The following GMCL1 variants were observed in gnomAD, a reference collection of about 807,000 sequenced individuals.
GMCL1 encodes the protein germ cell-less 1, spermatogenesis associated, also known as germ cell-less protein-like 1.
Under a neutral mutation model 75.5 loss-of-function variants are expected in GMCL1, and 54 were observed. The ratio of observed to expected loss-of-function variants is 0.71; its 90% CI spans 0.57 to 0.90. GMCL1 has a LOEUF of 0.90. Among genes scored for constraint, GMCL1 ranks in the 40% least tolerant of loss-of-function variants. The probability of loss-of-function intolerance (pLI) is 0.00; values close to 1 mark genes in which losing one functional copy is unlikely to be tolerated. For missense variants in GMCL1, 537 were observed against 622.7 expected, an observed-to-expected ratio of 0.86 and a Z score of 1.47; for synonymous variants, 210 against 209.6, an observed-to-expected ratio of 1.00 and a Z score of -0.02.
intron 9 of GMCL1, among the ~76,000 whole-genome samples, chr2:69,859,559 G>A (rs930964689): frequency 2.0e-5 from 3 of 151,502 alleles, no homozygotes; most frequent in African/African-American, 7.3e-5. Flanking sequence ...CGAAGCAGGA[G>A]ACCCCTTCTC....
At chr2:69,866,827 C>T (rs1398234415) in intron 11 of GMCL1, among the ~76,000 whole-genome samples, 1 of 152,172 alleles carries the variant, frequency 6.6e-6, no homozygotes, top group Non-Finnish European at 1.5e-5. Flanking sequence ...CTTTAGTTCT[C>T]ATTCTTCCTT....
chr2:69,856,305 A>C (rs985459415), intron 9 of GMCL1, among the ~76,000 whole-genome samples: 1 of 152,248 alleles, frequency 6.6e-6, no homozygotes, highest in African/African-American at 2.4e-5. Flanking sequence ...AACGTTAATC[A>C]AAGTTAGGCG....
chr2:69,871,749 C>A lies in GMCL1; in HGVS notation c.1369C>A (p.Arg457Ser). 2.0e-6 allele frequency: 3 copies of A among 1,509,640 alleles called. No individual in the cohort carries two copies. Among genetic ancestry groups the A allele is most frequent in the Non-Finnish European group, 2.7e-6 (3 of 1,105,826 alleles). 93.5% of individuals were successfully genotyped at this position (1,509,640 alleles called of 1,614,324 possible). ...TTATTTTTTTTTTAATCCTAGATTA[C>A]GTTTGGCTTCTTTTGATAGTAGTGG... Reference protein sequence around the residue: ...QPRRSIAFRLRLASFDSSGKL... With the variant: ...QPRRSIAFRLSLASFDSSGKL... Residue 457 changes from arginine to serine, a missense_variant, in exon 13 of 14, where the codon CGT (arginine) becomes AGT (serine). Transcript: ENST00000282570.
intron 9 of GMCL1, among the ~76,000 whole-genome samples, chr2:69,858,079 T>C (rs1025901097): frequency 2.0e-5 from 3 of 152,208 alleles, no homozygotes; most frequent in Non-Finnish European, 4.4e-5. Flanking sequence ...ATACTGGGTT[T>C]ATATTCAAAA....
rs1347839883 is a variant in GMCL1 at position 69,880,781 on chromosome 2, G to A, written c.*1777G>A. The A allele has an allele frequency of 1.3e-5, 2 of 149,476 alleles. No individual in the cohort carries two copies. The highest frequency in any genetic ancestry group is 2.9e-5 in the Non-Finnish European group (2 of 67,824). 9.3% of individuals were successfully genotyped at this position (149,476 alleles called of 1,614,324 possible). On this transcript the variant is annotated 3_prime_UTR_variant, in exon 14 of 14. Coordinates refer to ENST00000282570, the MANE Select transcript of GMCL1 (RefSeq NM_178439.5). The stretch of plus-strand genomic sequence containing the variant: ...GAGAATCACTTGAACCCAGGAGGCA[G>A]AGGTTGCAGTGAGTGGAGATTGCGC...
chr2:69,830,079 C>T lies in GMCL1; in HGVS notation c.187C>T (p.His63Tyr), dbSNP rs2103933433. The T allele has an allele frequency of 6.3e-7, 1 of 1,576,158 alleles. No individual in the cohort carries two copies. Among genetic ancestry groups the T allele is most frequent in the Non-Finnish European group, 8.6e-7 (1 of 1,160,328 alleles). ...KRSSGSFCYC[H>Y]PDSETDEDEE... is the part of the protein sequence containing the mutation. The stretch of plus-strand genomic sequence containing the variant: ...GAGCAGCGGGTCCTTCTGCTACTGT[C>T]ACCCTGACTCGGAGACGGACGAGGA... Residue 63 changes from histidine (H) to tyrosine (Y), a missense_variant, in exon 1 of 14, where the codon CAC becomes TAC. His to Tyr is a moderately conservative substitution (Grantham distance 83). Transcript: ENST00000282570.
intron 10 of GMCL1, among the ~76,000 whole-genome samples, chr2:69,861,902 G>C (rs536365638): frequency 1.0e-3 from 152 of 152,218 alleles, no homozygotes; most frequent in Non-Finnish European, 1.9e-3. Context: ...GGCCAACATA[G>C]TGAAACCCCG....
intron 3 of GMCL1, 130 bp downstream of exon 3, chr2:69,839,683 T>A: frequency 1.8e-6 from 1 of 558,916 alleles, no homozygotes; most frequent in Non-Finnish European, 3.3e-6. Flanking sequence ...AGGTGATAAT[T>A]TGATGTTGAT....
At chr2:69,830,232 C>A in intron 1 of GMCL1, 80 bp downstream of exon 1, 1 of 1,469,856 alleles carries the variant, frequency 6.8e-7, no homozygotes, top group Non-Finnish European at 9.1e-7. Flanking sequence ...CGTGCGCTTG[C>A]GGGGTGCAGC....
At chr2:69,856,905 C>A (rs1213223894) in intron 9 of GMCL1, among the ~76,000 whole-genome samples, 1 of 151,990 alleles carries the variant, frequency 6.6e-6, no homozygotes, top group East Asian at 1.9e-4. Context: ...CATAATATGT[C>A]CATATGAACA....
chr2:69,869,417 CAAAAAA>C (rs34136837), intron 11 of GMCL1: 26 of 61,162 alleles, frequency 4.3e-4, no homozygotes, highest in Admixed American at 1.8e-3. Context: ...GACTCTGTCT[CAAAAAA>C]AAAAAAAAAA....
intron 8 of GMCL1, 44 bp from the exon 9 acceptor site, chr2:69,854,779 A>G (rs754753566): frequency 1.3e-6 from 2 of 1,542,464 alleles, no homozygotes; most frequent in South Asian, 1.2e-5. Context: ...TAAGAATAAT[A>G]GGTTTGAAAA....
chr2:69,863,196 TAC>T (rs1461148617), intron 10 of GMCL1, among the ~76,000 whole-genome samples: 1 of 152,228 alleles, frequency 6.6e-6, no homozygotes, highest in Non-Finnish European at 1.5e-5. Context: ...GCTCTCCATA[TAC>T]ACAGATTTCA....
intron 13 of GMCL1, among the ~76,000 whole-genome samples, chr2:69,874,173 G>A (rs1196816442): frequency 6.6e-6 from 1 of 151,704 alleles, no homozygotes; most frequent in Non-Finnish European, 1.5e-5. Flanking sequence ...TAAATTCCAA[G>A]AAGTAGAATT....
At chr2:69,858,899 G>A (rs1675557323) in intron 9 of GMCL1, among the ~76,000 whole-genome samples, 1 of 151,996 alleles carries the variant, frequency 6.6e-6, no homozygotes, top group South Asian at 2.1e-4. Context: ...TGTAATCCCA[G>A]CACTTTGGAA....
intron 1 of GMCL1, among the ~76,000 whole-genome samples, chr2:69,831,681 C>A (rs1674676467): frequency 6.6e-6 from 1 of 152,096 alleles, no homozygotes; most frequent in Non-Finnish European, 1.5e-5. Flanking sequence ...GATCATGACT[C>A]ACTCTACCTC....
intron 1 of GMCL1, among the ~76,000 whole-genome samples, chr2:69,833,572 C>T (rs962455812): frequency 2.6e-5 from 4 of 152,202 alleles, no homozygotes; most frequent in South Asian, 2.1e-4. Flanking sequence ...GCCAAGATTG[C>T]GCCACTGCGC....
intron 13 of GMCL1, 85 bp from the exon 14 acceptor site, chr2:69,878,824 C>G: frequency 1.1e-6 from 1 of 885,472 alleles, no homozygotes; most frequent in Non-Finnish European, 1.9e-6. Flanking sequence ...AGGACACTAT[C>G]TCCTTTGGTT....
chr2:69,859,144 C>CAA (rs571712437), intron 9 of GMCL1, among the ~76,000 whole-genome samples: 118 of 61,768 alleles, frequency 1.9e-3, no homozygotes, highest in Middle Eastern at 9.3e-3. Context: ...GACTCTGTCT[C>CAA]AAAAAAAAAA....
Sources: allele counts gnomAD v4.1 joint callset (sites outside exome capture counted in the v4.1 genomes callset), GRCh38; gene constraint gnomAD v4.1.1; transcripts MANE v1.5; gene names NCBI Gene and HGNC (gene_info 2026-07-23, HGNC 2026-07-21).